Variants in FRK observed in about 807,000 individuals in gnomAD.
The protein encoded by FRK is fyn related Src family tyrosine kinase.
Under a neutral mutation model 56.4 loss-of-function variants are expected in FRK, and 51 were observed. The observed-to-expected ratio is 0.90, with a 90% confidence interval of 0.72 to 1.14. The LOEUF (loss-of-function observed/expected upper bound fraction) is 1.14, where lower values mean the gene tolerates loss of function less well. Ranked by LOEUF, FRK falls within the 50% of genes most tolerant of loss-of-function variation. FRK has a pLI of 0.00. For missense variants in FRK, 570 were observed against 601.4 expected, an observed-to-expected ratio of 0.95 and a Z score of 0.55; for synonymous variants, 245 against 217.9, an observed-to-expected ratio of 1.12 and a Z score of -1.10.
chr6:116,059,746 A>G (rs7774952), intron 1 of FRK, among the ~76,000 whole-genome samples: 56,958 of 152,006 alleles, frequency 0.37, 11,080 homozygotes, highest in Middle Eastern at 0.49. Context: ...GGACCTGTGG[A>G]TGTACATACT....
intron 1 of FRK, among the ~76,000 whole-genome samples, chr6:116,007,780 T>C (rs1373001005): frequency 6.6e-6 from 1 of 152,170 alleles, no homozygotes; most frequent in Non-Finnish European, 1.5e-5. Flanking sequence ...TTTCTAATCT[T>C]CAACCATCCA....
chr6:116,072,266 A>G, the FRK span, among the ~76,000 whole-genome samples: 7 of 152,168 alleles, frequency 4.6e-5, no homozygotes, highest in Admixed American at 3.3e-4. Context: ...CATTGAAAAA[A>G]TTGATTCTTA....
intron 1 of FRK, among the ~76,000 whole-genome samples, chr6:116,037,053 A>G (rs1416928736): frequency 6.6e-6 from 1 of 152,182 alleles, no homozygotes; most frequent in Non-Finnish European, 1.5e-5. Context: ...TGTCAGGCAC[A>G]CCCAAATGTA....
the FRK span, among the ~76,000 whole-genome samples, chr6:116,089,051 A>T: frequency 6.6e-6 from 1 of 152,216 alleles, no homozygotes; most frequent in Non-Finnish European, 1.5e-5. Context: ...AGGAAAGGAC[A>T]GACATGAGTG....
intron 1 of FRK, among the ~76,000 whole-genome samples, chr6:116,026,095 C>T (rs1262048272): frequency 6.6e-6 from 1 of 152,118 alleles, no homozygotes; most frequent in Non-Finnish European, 1.5e-5. Context: ...AAGTAATCTA[C>T]CAATAACTCT....
At chr6:116,088,469 G>A in the FRK span, among the ~76,000 whole-genome samples, 6 of 152,168 alleles carry the variant, frequency 3.9e-5, no homozygotes, top group Admixed American at 3.9e-4. Flanking sequence ...GATTTCTTAA[G>A]GGCAAGGAAG....
At position 116,009,499 on chromosome 6, in the gene FRK, C is replaced by G. The variant is rs544472374; in HGVS notation, c.345-5501G>C. Among the ~76,000 whole-genome samples the G allele has an allele frequency of 3.3e-5, 5 of 152,290 alleles. No homozygotes were observed. In the East Asian group the frequency reaches 9.6e-4, roughly 29 times the overall value. ...CAGCTGAGAATGTTTGAGTTTGGCA[C>G]TTACATGCAAAAAAGTATCCAGTAA... is the stretch of plus-strand genomic sequence containing the variant. On this transcript the variant is annotated intron_variant, in intron 1 of 7. Transcript: ENST00000606080.
chr6:115,989,530 G>A (rs761649327), intron 2 of FRK, among the ~76,000 whole-genome samples: 1 of 151,874 alleles, frequency 6.6e-6, no homozygotes. Flanking sequence ...ACTTGTAAGT[G>A]AGAACATGTG....
At chr6:116,036,342 T>C (rs563476258) in intron 1 of FRK, among the ~76,000 whole-genome samples, 1 of 152,268 alleles carries the variant, frequency 6.6e-6, no homozygotes, top group South Asian at 2.1e-4. Context: ...TCAGCAAATA[T>C]ACTTACTTAC....
At chr6:116,062,166 T>C (rs552689176), upstream of FRK, among the ~76,000 whole-genome samples, 24 of 152,280 alleles carry the variant, frequency 1.6e-4, no homozygotes, top group South Asian at 4.8e-3. Context: ...GTTTCTCCAA[T>C]TGTCTTTGGA....
At chr6:116,074,611 A>G in the FRK span, among the ~76,000 whole-genome samples, 1 of 152,176 alleles carries the variant, frequency 6.6e-6, no homozygotes, top group Non-Finnish European at 1.5e-5. Flanking sequence ...TGAAACTGCC[A>G]TGAGGTAGGA....
chr6:115,999,768 G>A (rs1281915391), intron 2 of FRK, among the ~76,000 whole-genome samples: 3 of 152,084 alleles, frequency 2.0e-5, no homozygotes. Context: ...TCAGCAATTG[G>A]GTTGTTTGTT....
the FRK span, among the ~76,000 whole-genome samples, chr6:116,068,405 C>T: frequency 2.6e-5 from 4 of 151,994 alleles, no homozygotes; most frequent in Middle Eastern, 3.4e-3. Flanking sequence ...AAAAAGATGC[C>T]GAATTAACCT....
At chr6:116,020,781 T>C (rs1056261700) in intron 1 of FRK, among the ~76,000 whole-genome samples, 1 of 152,226 alleles carries the variant, frequency 6.6e-6, no homozygotes, top group African/African-American at 2.4e-5. Context: ...CATGTGCTTA[T>C]AATAGGCATT....
the FRK span, among the ~76,000 whole-genome samples, chr6:116,099,574 G>C: frequency 6.6e-6 from 1 of 152,156 alleles, no homozygotes; most frequent in Non-Finnish European, 1.5e-5. Flanking sequence ...TCTTCTTGAA[G>C]ATTCTTTACT....
chr6:116,035,727 G>A (rs1173604860), intron 1 of FRK, among the ~76,000 whole-genome samples: 3 of 151,960 alleles, frequency 2.0e-5, no homozygotes, highest in African/African-American at 7.2e-5. Flanking sequence ...ATTCTTAAAC[G>A]TTTTCCTTAA....
intron 1 of FRK, among the ~76,000 whole-genome samples, chr6:116,049,107 C>T (rs970187718): frequency 2.6e-5 from 4 of 152,266 alleles, no homozygotes; most frequent in South Asian, 2.1e-4. Context: ...CCTACCTCCT[C>T]GTAGTCTTTT....
At chr6:116,089,265 G>A in the FRK span, among the ~76,000 whole-genome samples, 1 of 152,140 alleles carries the variant, frequency 6.6e-6, no homozygotes, top group Non-Finnish European at 1.5e-5. Flanking sequence ...TATTGACTGA[G>A]ATATCTTTGC....
the FRK span, among the ~76,000 whole-genome samples, chr6:116,066,698 C>A: frequency 6.6e-6 from 1 of 152,190 alleles, no homozygotes; most frequent in African/African-American, 2.4e-5. Flanking sequence ...ATGGGCCAGC[C>A]ACAGTGGCCA....
Sources: gnomAD v4.1 joint callset for allele counts (sites outside exome capture counted in the v4.1 genomes callset) on GRCh38, gnomAD v4.1.1 for gene constraint, MANE v1.5 for transcripts, NCBI Gene and HGNC (gene_info 2026-07-23, HGNC 2026-07-21) for gene names.